SMARCA2: variants seen among roughly 807,000 people sequenced by gnomAD.
SMARCA2 encodes SWI/SNF related BAF chromatin remodeling complex subunit ATPase 2, also known as SWI/SNF-related matrix-associated actin-dependent regulator of chromatin subfamily A member 2.
A neutral mutation model predicts 199.8 loss-of-function variants in SMARCA2; 61 were observed. That is an observed-to-expected ratio of 0.31 (90% confidence interval 0.25 to 0.38). The LOEUF (loss-of-function observed/expected upper bound fraction) is 0.38. Ranked by LOEUF, SMARCA2 falls within the 10% of genes least tolerant of loss-of-function variation. The pLI, the probability that SMARCA2 is intolerant of heterozygous loss-of-function variation, is 1.00. For synonymous variants in SMARCA2, 935 were observed against 732.0 expected (o/e 1.28, Z -4.48); for missense variants, 1,344 against 2,012.2 (o/e 0.67, Z 6.35).
chr9:2,078,423 G>T (rs929197824), intron 14 of SMARCA2, among the ~76,000 whole-genome samples: 3 of 151,680 alleles, frequency 2.0e-5, no homozygotes, highest in African/African-American at 7.3e-5. Flanking sequence ...AGTGAGCCAA[G>T]ATCTTAGCAC....
At chr9:2,134,500 C>G (rs2130662355) in intron 27 of SMARCA2, among the ~76,000 whole-genome samples, 1 of 152,310 alleles carries the variant, frequency 6.6e-6, no homozygotes, top group East Asian at 1.9e-4. Flanking sequence ...CCAACCTATA[C>G]CCACATGGCT....
At chr9:2,032,201 T>C (rs926399815) in intron 2 of SMARCA2, among the ~76,000 whole-genome samples, 1 of 152,248 alleles carries the variant, frequency 6.6e-6, no homozygotes, top group African/African-American at 2.4e-5. Flanking sequence ...CTATTACAGT[T>C]TGGGGAGGAA....
intron 5 of SMARCA2, among the ~76,000 whole-genome samples, chr9:2,051,225 C>A (rs963629873): frequency 3.3e-5 from 5 of 152,208 alleles, no homozygotes; most frequent in African/African-American, 1.2e-4. Context: ...GAATCAAATG[C>A]ATATAATTTT....
At chr9:2,042,598 A>G (rs542413030) in intron 4 of SMARCA2, 8 of 152,072 alleles carry the variant, frequency 5.3e-5, no homozygotes, top group Non-Finnish European at 1.2e-4. Flanking sequence ...TAAATGCTTC[A>G]TGTCCTAATC....
chr9:2,156,214 GT>G (rs1296618215), intron 27 of SMARCA2, among the ~76,000 whole-genome samples: 7 of 152,122 alleles, frequency 4.6e-5, no homozygotes, highest in Non-Finnish European at 2.9e-5. Flanking sequence ...CTGTTGAAAT[GT>G]TAAAAGGGTT....
At chr9:2,147,271 A>G (rs942440319) in intron 27 of SMARCA2, among the ~76,000 whole-genome samples, 5 of 149,938 alleles carry the variant, frequency 3.3e-5, no homozygotes, top group African/African-American at 4.9e-5. Context: ...GCAAGGTACT[A>G]TGACCTTCTT....
intron 27 of SMARCA2, among the ~76,000 whole-genome samples, chr9:2,145,884 T>C (rs915752185): frequency 3.3e-5 from 5 of 152,190 alleles, no homozygotes; most frequent in African/African-American, 9.6e-5. Flanking sequence ...GAATGGGAGT[T>C]GATCACTGAA....
In SMARCA2 at chr9:2,104,247, G is replaced by A; in HGVS notation, c.3292+78G>A. On this transcript the variant is annotated intron_variant, in intron 23 of 33. Transcript: ENST00000349721. This position sits in a 1 kb window ranked among gnomAD's most constrained non-coding sequence, Gnocchi z 4.0. ...TAATGGGCACTTAGGTCCAATCTCA[G>A]CCAAAAAGAAGGGGTAAAATTGAAG... 1 of 1,327,022 alleles carries A rather than the reference G, an allele frequency of 7.5e-7. No individual in the cohort carries two copies. The highest frequency in any genetic ancestry group is 1.0e-6 in the Non-Finnish European group (1 of 958,588). 82.2% of individuals were successfully genotyped at this position (1,327,022 alleles called of 1,614,324 possible). A position where few individuals can be genotyped will look rare whatever the true frequency, so the allele number is the denominator to read the frequency against.
intron 29 of SMARCA2, among the ~76,000 whole-genome samples, chr9:2,173,808 G>C (rs1016710441): frequency 6.6e-5 from 10 of 152,242 alleles, no homozygotes; most frequent in African/African-American, 2.4e-4. Context: ...TTTGACCAAA[G>C]AACCCCCTTT....
At chr9:2,122,591 C>A (rs1009389914) in intron 26 of SMARCA2, among the ~76,000 whole-genome samples, 3 of 152,162 alleles carry the variant, frequency 2.0e-5, no homozygotes, top group Non-Finnish European at 2.9e-5. Context: ...GTAATGACTT[C>A]CAAAAATGTG....
At chr9:2,187,468 T>TCAAGACCAGCCTGGATAACATAGCAAGAC in intron 32 of SMARCA2, among the ~76,000 whole-genome samples, 1 of 152,042 alleles carries the variant, frequency 6.6e-6, no homozygotes, top group Admixed American at 6.6e-5. Flanking sequence ...GGCTAGGAGT[T>TCAAGACCAGCCTGGATAACATAGCAAGAC]CAAGACCAGC....
At chr9:2,082,605 G>A (rs1821615463) in intron 15 of SMARCA2, among the ~76,000 whole-genome samples, 1 of 152,122 alleles carries the variant, frequency 6.6e-6, no homozygotes, top group Admixed American at 6.5e-5. Flanking sequence ...ACCGAGTGAG[G>A]GCACAGTGAT....
chr9:2,038,974 T>C (rs1181185850), intron 3 of SMARCA2, among the ~76,000 whole-genome samples: 1 of 152,218 alleles, frequency 6.6e-6, no homozygotes, highest in Non-Finnish European at 1.5e-5. Flanking sequence ...GAGCTACTTT[T>C]ACCATTCAGT....
intron 2 of SMARCA2, among the ~76,000 whole-genome samples, chr9:2,030,034 A>G (rs1818995466): frequency 6.6e-6 from 1 of 152,220 alleles, no homozygotes; most frequent in Admixed American, 6.5e-5. Context: ...ATCTATGAGG[A>G]CATTACATAC....
Position 2,169,921 on chromosome 9 carries a change from G to A in SMARCA2, c.4200-498G>A, listed in dbSNP as rs1164702172. ...GGAAGCAGAGCTGACTAGTTAGATGGTGTTCAGACCCAAATTGGCTGATGC... is the reference window on the plus strand; with the variant it reads ...GGAAGCAGAGCTGACTAGTTAGATGATGTTCAGACCCAAATTGGCTGATGC... On this transcript the variant is annotated intron_variant, in intron 28 of 33. Transcript: ENST00000349721. The surrounding 1 kb of genome is among the most constrained non-coding windows in gnomAD (Gnocchi z 6.5). Among the ~76,000 whole-genome samples, 1 of 152,216 alleles carries A rather than the reference G, an allele frequency of 6.6e-6. No homozygotes were observed. The highest frequency in any genetic ancestry group is 2.1e-4 in the South Asian group (1 of 4,820).
chr9:2,079,854 T>A (rs138097453), intron 14 of SMARCA2: 1 of 152,402 alleles, frequency 6.6e-6, no homozygotes, highest in African/African-American at 2.4e-5. Context: ...GGTTTTCTTC[T>A]GTCATCCAAC....
chr9:2,183,700 T>C (rs1199412960), intron 31 of SMARCA2, among the ~76,000 whole-genome samples: 1 of 152,194 alleles, frequency 6.6e-6, no homozygotes, highest in Non-Finnish European at 1.5e-5. Flanking sequence ...TTAATAGTAG[T>C]AGTATCTTGA....
At chr9:2,176,807 C>T (rs1266943630) in intron 29 of SMARCA2, among the ~76,000 whole-genome samples, 1 of 152,050 alleles carries the variant, frequency 6.6e-6, no homozygotes, top group Non-Finnish European at 1.5e-5. Context: ...ATCAGCCTGC[C>T]TCAGCCTCCC....
chr9:2,086,754 A>G lies in SMARCA2; in HGVS notation c.2527-75A>G. Reference sequence around the variant, plus strand: ...AAGGATGGGTTCTTTGGTTTTCCGCACCACCACTTGCTTGTTGGAAATAGT... The same window carrying G: ...AAGGATGGGTTCTTTGGTTTTCCGCGCCACCACTTGCTTGTTGGAAATAGT... On this transcript the variant is annotated intron_variant, in intron 17 of 33. Transcript: ENST00000349721. This position sits in a 1 kb window ranked among gnomAD's most constrained non-coding sequence, Gnocchi z 4.3. 1 of 1,557,370 alleles carries G rather than the reference A, an allele frequency of 6.4e-7. No homozygotes were observed. Among genetic ancestry groups the G allele is most frequent in the South Asian group, 1.1e-5 (1 of 86,988 alleles).
Sources: allele counts gnomAD v4.1 joint callset (sites outside exome capture counted in the v4.1 genomes callset), GRCh38; gene constraint gnomAD v4.1.1; non-coding constraint Gnocchi (gnomAD v3.1); transcripts MANE v1.5; gene names NCBI Gene and HGNC (gene_info 2026-07-23, HGNC 2026-07-21).